Variants in EML4 observed in about 807,000 individuals in gnomAD.
EML4 encodes the protein EMAP like 4.
A neutral mutation model predicts 129.0 loss-of-function variants in EML4; 72 were observed. That is an observed-to-expected ratio of 0.56 (90% CI 0.46 to 0.68). EML4 has a LOEUF of 0.68. EML4 is among the 30% of genes least tolerant of loss of function. EML4 has a pLI of 0.00. For missense variants in EML4, 1,363 were observed against 1,190.6 expected (o/e 1.14, Z -2.13); for synonymous variants, 532 against 405.0 (o/e 1.31, Z -3.77).
Position 42,325,596 on chromosome 2 carries a change from TTATATTTATATATATATATATATATA to T in EML4, c.2242+48_2242+73del, listed in dbSNP as rs1446822419. The T allele has an allele frequency of 9.9e-5, 15 of 150,960 alleles. 1 individual carries two copies. Among genetic ancestry groups the T allele is most frequent in the East Asian group, 8.3e-4 (4 of 4,808 alleles). The allele number at this position is 150,960 out of a possible 1,614,324, so 9.4% of individuals were successfully genotyped here. On this transcript the variant is annotated intron_variant, in intron 20 of 22. Transcript: ENST00000318522. Reference sequence around the variant, plus strand: ...TTATATATATATATATATGCTATGATTATATTTATATATATATATATATATATATATATATATATATATGCTAAGAT... The same window carrying T: ...TTATATATATATATATATGCTATGATTATATATATATATATATGCTAAGAT...
intron 1 of EML4, among the ~76,000 whole-genome samples, chr2:42,221,503 G>A (rs762155935): frequency 9.7e-5 from 14 of 144,700 alleles, no homozygotes; most frequent in Non-Finnish European, 1.8e-4. Context: ...TCAATGTCCC[G>A]GGCCCAAGCA....
At position 42,304,514 on chromosome 2, in the gene EML4, A is replaced by T; in HGVS notation, c.1930A>T (p.Ser644Cys). 6.2e-7 allele frequency: 1 copy of T among 1,614,014 alleles called. No individual in the cohort carries two copies. Among genetic ancestry groups the T allele is most frequent in the Non-Finnish European group, 8.5e-7 (1 of 1,179,932 alleles). ...AGGACACTGTGCAGATTTTCATCCA[A>T]GTGGCACAGTGGTGGCCATAGGAAC... ...EPGHCADFHP[S>C]GTVVAIGTHS... The change falls in exon 17 of 23, where the codon AGT becomes TGT. Residue 644 changes from serine (S) to cysteine (C), a missense_variant. Ser to Cys is a moderately radical substitution (Grantham distance 112). Coordinates refer to ENST00000318522, the MANE Select transcript of EML4 (RefSeq NM_019063.5).
At chr2:42,219,676 G>A (rs975048421) in intron 1 of EML4, among the ~76,000 whole-genome samples, 7 of 152,122 alleles carry the variant, frequency 4.6e-5, no homozygotes, top group African/African-American at 1.7e-4. Flanking sequence ...CCAGGATTTT[G>A]GGAGGCCGAG....
chr2:42,198,368 T>A (rs1268018468), intron 1 of EML4, among the ~76,000 whole-genome samples: 1 of 152,046 alleles, frequency 6.6e-6, no homozygotes, highest in Non-Finnish European at 1.5e-5. Flanking sequence ...TCTAAAGCAC[T>A]GGGGGAAGGC....
At position 42,331,692 on chromosome 2, in the gene EML4, A is replaced by G. The variant is rs1572775291; in HGVS notation, c.*1485A>G. 2 of 220,330 alleles carry G rather than the reference A, an allele frequency of 9.1e-6. No homozygotes were observed. Among genetic ancestry groups the G allele is most frequent in the Non-Finnish European group, 1.8e-5 (2 of 109,800 alleles). 13.6% of individuals were successfully genotyped at this position (220,330 alleles called of 1,614,324 possible). A position where few individuals can be genotyped will look rare whatever the true frequency, so the allele number is the denominator to read the frequency against. On this transcript the variant is annotated 3_prime_UTR_variant, in exon 23 of 23. Coordinates refer to ENST00000318522, the MANE Select transcript of EML4 (RefSeq NM_019063.5). Reference sequence around the variant, plus strand: ...TGTCATTCCCTTCTAATATCTTCTCAGGAGTAATACAAATCAGGTATTTCA... The same window carrying G: ...TGTCATTCCCTTCTAATATCTTCTCGGGAGTAATACAAATCAGGTATTTCA...
chr2:42,323,101 C>G (rs1473503814), intron 19 of EML4, among the ~76,000 whole-genome samples: 1 of 152,088 alleles, frequency 6.6e-6, no homozygotes, highest in African/African-American at 2.4e-5. Context: ...AAGCTTTGCA[C>G]AAAGCTTTGC....
At chr2:42,251,447 C>G (rs566081850) in intron 2 of EML4, among the ~76,000 whole-genome samples, 1 of 152,198 alleles carries the variant, frequency 6.6e-6, no homozygotes. Context: ...TTCTTTGTCA[C>G]TTCCACTCAA....
intron 1 of EML4, among the ~76,000 whole-genome samples, chr2:42,184,668 C>T (rs780053535): frequency 6.6e-6 from 1 of 152,006 alleles, no homozygotes; most frequent in African/African-American, 2.4e-5. Flanking sequence ...CCTGTTTATC[C>T]AAAGTAGTTT....
At chr2:42,323,329 A>T (rs1669617646) in intron 19 of EML4, among the ~76,000 whole-genome samples, 1 of 152,242 alleles carries the variant, frequency 6.6e-6, no homozygotes, top group South Asian at 2.1e-4. Flanking sequence ...ATCCATGTGC[A>T]TCTTGCTGTC....
At position 42,275,612 on chromosome 2, in the gene EML4, A is replaced by G. The variant is rs190735565; in HGVS notation, c.668-5238A>G. On this transcript the variant is annotated intron_variant, in intron 6 of 22. Transcript: ENST00000318522. ...TCTTCTTTAATAATTAAACTACTCT[A>G]TCACTGATCAGATTGACTTAAGAAT... is the stretch of plus-strand genomic sequence containing the variant. Among the ~76,000 whole-genome samples, 19 of 152,304 alleles carry G rather than the reference A, an allele frequency of 1.2e-4. No homozygotes were observed. In the East Asian group the frequency reaches 3.5e-3, roughly 28 times the overall value.
chr2:42,311,289 C>T (rs977211884), intron 17 of EML4, among the ~76,000 whole-genome samples: 3 of 152,154 alleles, frequency 2.0e-5, no homozygotes, highest in Admixed American at 6.5e-5. Flanking sequence ...AAAAATTGGG[C>T]TGGTGCAGTG....
At chr2:42,186,881 G>A (rs1187157668) in intron 1 of EML4, among the ~76,000 whole-genome samples, 1 of 151,952 alleles carries the variant, frequency 6.6e-6, no homozygotes, top group Non-Finnish European at 1.5e-5. Context: ...ATATCATTGT[G>A]TATTCACTAC....
rs780420315 is a variant in EML4, at chr2:42,280,909, G to A, written c.727G>A (p.Asp243Asn). The stretch of plus-strand genomic sequence containing the variant: ...GCCAATTACCATGTTCATTCCTTCC[G>A]ATGTTGACAACTATGATGACATCAG... The part of the protein sequence containing the change: ...GRPITMFIPS[D>N]VDNYDDIRTE... The change falls in exon 7 of 23, where the codon GAT becomes AAT. Residue 243 changes from aspartate (D) to asparagine (N), a missense_variant. Physicochemically the swap from Asp to Asn is conservative, Grantham distance 23 (BLOSUM62 1). Transcript: ENST00000318522. The A allele has an allele frequency of 3.3e-5, 54 of 1,612,182 alleles. No homozygotes were observed. The highest frequency in any genetic ancestry group is 4.0e-5 in the Non-Finnish European group (47 of 1,178,768).
intron 6 of EML4, among the ~76,000 whole-genome samples, chr2:42,273,288 C>G (rs1268946712): frequency 6.6e-6 from 1 of 152,070 alleles, no homozygotes; most frequent in Non-Finnish European, 1.5e-5. Context: ...TTTTATGTGT[C>G]TCATATTGTT....
chr2:42,203,398 A>G (rs557626448), intron 1 of EML4, among the ~76,000 whole-genome samples: 1 of 152,190 alleles, frequency 6.6e-6, no homozygotes, highest in African/African-American at 2.4e-5. Flanking sequence ...ATACTCTATG[A>G]TAGAGTTTTT....
chr2:42,232,146 C>A (rs1332477229), intron 1 of EML4, among the ~76,000 whole-genome samples: 1 of 152,084 alleles, frequency 6.6e-6, no homozygotes, highest in Non-Finnish European at 1.5e-5. Flanking sequence ...ACAGCTGAGA[C>A]TGGGTCTCAC....
intron 13 of EML4, among the ~76,000 whole-genome samples, chr2:42,299,123 A>C (rs1038527467): frequency 6.6e-6 from 1 of 152,174 alleles, no homozygotes; most frequent in Non-Finnish European, 1.5e-5. Flanking sequence ...GAGACAGTTG[A>C]CCTGAACAGC....
chr2:42,240,598 T>G (rs1324581393), intron 1 of EML4, among the ~76,000 whole-genome samples: 1 of 152,232 alleles, frequency 6.6e-6, no homozygotes, highest in African/African-American at 2.4e-5. Context: ...TTTTAAATTA[T>G]TCCATGATAT....
chr2:42,304,663 T>C (rs1402355008), intron 17 of EML4, 112 bp downstream of exon 17: 4 of 818,906 alleles, frequency 4.9e-6, no homozygotes, highest in Admixed American at 2.0e-5. Flanking sequence ...CACACTAATA[T>C]GCTTGTTGTT....
Sources: allele counts gnomAD v4.1 joint callset (sites outside exome capture counted in the v4.1 genomes callset), GRCh38; gene constraint gnomAD v4.1.1; transcripts MANE v1.5; gene names NCBI Gene and HGNC (gene_info 2026-07-23, HGNC 2026-07-21).